Variants in FRMD4A observed in about 807,000 individuals in gnomAD.
FRMD4A encodes the protein FERM domain containing 4A, also known as FERM domain-containing protein 4A.
Under a neutral mutation model 129.1 loss-of-function variants are expected in FRMD4A, and 29 were observed. The observed-to-expected ratio is 0.22, with a 90% CI of 0.17 to 0.31. The LOEUF (loss-of-function observed/expected upper bound fraction) is 0.31. Among genes scored for constraint, FRMD4A ranks in the 10% least tolerant of loss-of-function variants. FRMD4A has a pLI of 1.00. For missense variants in FRMD4A, 1,272 were observed against 1,375.8 expected (o/e 0.92, Z 1.19); for synonymous variants, 634 against 571.6 (o/e 1.11, Z -1.56).
At chr10:13,931,644 A>C (rs2131286399) in intron 2 of FRMD4A, among the ~76,000 whole-genome samples, 1 of 152,160 alleles carries the variant, frequency 6.6e-6, no homozygotes. Context: ...GAGTTAAAAA[A>C]CATGCAATTA....
chr10:13,920,299 C>T (rs544851174), intron 2 of FRMD4A, among the ~76,000 whole-genome samples: 2 of 152,296 alleles, frequency 1.3e-5, no homozygotes, highest in Non-Finnish European at 2.9e-5. Context: ...ATGCTATCCT[C>T]CCCAACTCCA....
chr10:13,938,602 T>C (rs2095266936), intron 2 of FRMD4A, among the ~76,000 whole-genome samples: 1 of 152,022 alleles, frequency 6.6e-6, no homozygotes. Context: ...CTCAATAGAG[T>C]ATACTATTAC....
intron 2 of FRMD4A, among the ~76,000 whole-genome samples, chr10:14,006,128 A>C (rs1181312424): frequency 6.6e-6 from 1 of 152,106 alleles, no homozygotes; most frequent in Non-Finnish European, 1.5e-5. Flanking sequence ...AATTCCTCTG[A>C]CCCACAGTGT....
chr10:14,211,837 T>C (rs1255506362), intron 2 of FRMD4A, among the ~76,000 whole-genome samples: 1 of 152,202 alleles, frequency 6.6e-6, no homozygotes, highest in East Asian at 1.9e-4. Context: ...TATAAACCCA[T>C]TTCCTAATGG....
chr10:13,965,064 C>G (rs887903966), intron 2 of FRMD4A, among the ~76,000 whole-genome samples: 1 of 110,982 alleles, frequency 9.0e-6, no homozygotes, highest in Admixed American at 9.7e-5. Flanking sequence ...GACCACTGGG[C>G]ATTTTTTTTT....
intron 5 of FRMD4A, 31 bp downstream of exon 5, chr10:13,796,465 A>C: frequency 9.4e-7 from 1 of 1,061,234 alleles, no homozygotes. Flanking sequence ...GAACACAAAG[A>C]AGCAAAAGTA....
intron 5 of FRMD4A, among the ~76,000 whole-genome samples, chr10:13,787,794 G>A (rs1295634540): frequency 6.7e-6 from 1 of 150,146 alleles, no homozygotes; most frequent in Non-Finnish European, 1.5e-5. Context: ...ATAGTTTTTG[G>A]CCGGGCATAG....
At chr10:13,947,179 C>G (rs2095338070) in intron 2 of FRMD4A, among the ~76,000 whole-genome samples, 1 of 152,060 alleles carries the variant, frequency 6.6e-6, no homozygotes, top group African/African-American at 2.4e-5. Flanking sequence ...CTGAGTGTCC[C>G]AGGGGTTTTG....
intron 6 of FRMD4A, among the ~76,000 whole-genome samples, chr10:13,782,632 C>G (rs2130781885): frequency 6.6e-6 from 1 of 152,134 alleles, no homozygotes; most frequent in East Asian, 1.9e-4. Flanking sequence ...TTAGTAGAGA[C>G]AGGGTTTCAC....
At chr10:13,757,786 C>A (rs2091924532) in intron 8 of FRMD4A, among the ~76,000 whole-genome samples, 1 of 152,166 alleles carries the variant, frequency 6.6e-6, no homozygotes, top group Non-Finnish European at 1.5e-5. Context: ...TCTTGTCACC[C>A]AGGCTGGAGT....
At chr10:14,248,340 A>G (rs1180859211) in intron 2 of FRMD4A, among the ~76,000 whole-genome samples, 2 of 152,248 alleles carry the variant, frequency 1.3e-5, no homozygotes, top group Admixed American at 1.3e-4. Context: ...ATTCCGTTGC[A>G]CATGCATATT....
chr10:14,184,298 A>ATTTTTTTTGTTTTTTTTTT (rs1842007409), intron 2 of FRMD4A, among the ~76,000 whole-genome samples: 1 of 104,908 alleles, frequency 9.5e-6, no homozygotes. Flanking sequence ...CAACCGGTTA[A>ATTTTTTTTGTTTTTTTTTT]TTTTTTTTTT....
At chr10:14,260,668 C>T (rs1331179803) in intron 2 of FRMD4A, among the ~76,000 whole-genome samples, 1 of 152,180 alleles carries the variant, frequency 6.6e-6, no homozygotes, top group East Asian at 1.9e-4. Context: ...TGGCTATCTC[C>T]CATCAGTAGA....
intron 11 of FRMD4A, among the ~76,000 whole-genome samples, chr10:13,739,948 A>G (rs1197242345): frequency 6.6e-6 from 1 of 152,186 alleles, no homozygotes; most frequent in Non-Finnish European, 1.5e-5. Context: ...AAAAATACAA[A>G]AATTAGCTGG....
chr10:13,973,560 G>C (rs1214208781), intron 2 of FRMD4A, among the ~76,000 whole-genome samples: 2 of 152,078 alleles, frequency 1.3e-5, no homozygotes, highest in African/African-American at 4.8e-5. Flanking sequence ...AAAACACGGT[G>C]CATAATTTTA....
intron 8 of FRMD4A, among the ~76,000 whole-genome samples, chr10:13,752,744 A>G (rs2091686238): frequency 6.6e-6 from 1 of 152,218 alleles, no homozygotes; most frequent in South Asian, 2.1e-4. Context: ...GGGATATTTC[A>G]TAAGTAGAGT....
intron 2 of FRMD4A, among the ~76,000 whole-genome samples, chr10:13,885,019 G>A (rs544881578): frequency 6.6e-5 from 10 of 152,264 alleles, no homozygotes; most frequent in Admixed American, 3.9e-4. Context: ...AGTTAGCATC[G>A]TTGAGCCTTC....
chr10:14,110,369 T>G (rs568849433), intron 2 of FRMD4A, among the ~76,000 whole-genome samples: 1 of 152,240 alleles, frequency 6.6e-6, no homozygotes, highest in East Asian at 1.9e-4. Context: ...AAAAAATTCC[T>G]TCTTGCCCAT....
chr10:14,312,118 A>G (rs759395623), intron 2 of FRMD4A, among the ~76,000 whole-genome samples: 9 of 152,222 alleles, frequency 5.9e-5, no homozygotes, highest in Non-Finnish European at 5.9e-5. Context: ...TGAAAGTAAG[A>G]AAGAGCGGGG....
Sources: allele counts gnomAD v4.1 joint callset (sites outside exome capture counted in the v4.1 genomes callset), GRCh38; gene constraint gnomAD v4.1.1; transcripts MANE v1.5; gene names NCBI Gene and HGNC (gene_info 2026-07-23, HGNC 2026-07-21).